The following BICRA variants were observed in gnomAD, a reference collection of about 807,000 sequenced individuals.
The protein encoded by BICRA is BRD4-interacting chromatin-remodeling complex-associated protein.
BICRA carries 31 observed loss-of-function variants against 96.9 expected under a neutral mutation model. The ratio of observed to expected loss-of-function variants is 0.32; its 90% CI spans 0.24 to 0.43. The LOEUF is 0.43. BICRA is among the 20% of genes least tolerant of loss of function. BICRA has a pLI of 1.00. For synonymous variants in BICRA, 1,350 were observed against 1,071.8 expected, an observed-to-expected ratio of 1.26 and a Z score of -5.07; for missense variants, 2,283 against 2,190.3, an observed-to-expected ratio of 1.04 and a Z score of -0.84.
At chr19:47,616,868 G>A (rs1157395939) in intron 1 of BICRA, among the ~76,000 whole-genome samples, 4 of 150,714 alleles carry the variant, frequency 2.7e-5, no homozygotes, top group East Asian at 3.9e-4. Flanking sequence ...CTCTCTCTGC[G>A]CCCAGGCTGG....
chr19:47,688,940 C>T (rs2123599797), intron 7 of BICRA, among the ~76,000 whole-genome samples: 1 of 152,032 alleles, frequency 6.6e-6, no homozygotes, highest in Admixed American at 6.6e-5. Context: ...AATTCTTCTG[C>T]CTCAGCCTCC....
chr19:47,675,881 G>A lies in BICRA; in HGVS notation c.115G>A (p.Gly39Arg), dbSNP rs375078723. Residue 39 changes from glycine (G) to arginine (R), a missense_variant, in exon 5 of 15, where the codon GGG becomes AGG. Coordinates refer to ENST00000594866, the MANE Select transcript of BICRA (RefSeq NM_001394372.1). This position sits in a 1 kb window ranked among gnomAD's most constrained non-coding sequence, Gnocchi z 4.7. ...CAGTGATGACCTCCTGGATAATCCC[G>A]GGGAGGCCCAAAGTGCCTTCTATGA... ...LDSDDLLDNP[G>R]EAQSAFYEGP... 2.7e-5 allele frequency: 43 copies of A among 1,608,146 alleles called. No individual in the cohort carries two copies. Among genetic ancestry groups the A allele is most frequent in the South Asian group, 4.4e-5 (4 of 90,016 alleles).
chr19:47,621,189 G>A (rs1972059816), intron 1 of BICRA, among the ~76,000 whole-genome samples: 1 of 152,052 alleles, frequency 6.6e-6, no homozygotes, highest in African/African-American at 2.4e-5. Flanking sequence ...GTATTTCCTG[G>A]GCTAAGCAGC....
chr19:47,639,044 C>G (rs1972343640), intron 1 of BICRA, among the ~76,000 whole-genome samples: 3 of 152,018 alleles, frequency 2.0e-5, no homozygotes, highest in African/African-American at 7.2e-5. Context: ...CGCTCTGTTT[C>G]CCAGACTGGA....
Position 47,682,143 on chromosome 19 carries a change from G to T in BICRA, c.2274G>T (p.Pro758=). ...QAPDSQASPA[P]APQIPAAAPL... is the part of the protein sequence containing the mutation. The stretch of plus-strand genomic sequence containing the variant: ...CCGACAGCCAGGCTTCCCCGGCTCC[G>T]GCCCCCCAGGTAGAGGGACCCCAGC... Residue 758 remains proline (P), a synonymous_variant, in exon 7 of 15, where the codon CCG becomes CCT. Transcript: ENST00000594866. The T allele has an allele frequency of 7.3e-7, 1 of 1,363,438 alleles. No homozygotes were observed. Among genetic ancestry groups the T allele is most frequent in the Non-Finnish European group, 9.8e-7 (1 of 1,019,032 alleles). 84.5% of individuals were successfully genotyped at this position (1,363,438 alleles called of 1,614,324 possible). A position where few individuals can be genotyped will look rare whatever the true frequency, so the allele number is the denominator to read the frequency against.
chr19:47,633,438 C>T (rs1020643867), intron 1 of BICRA, among the ~76,000 whole-genome samples: 2 of 152,014 alleles, frequency 1.3e-5, no homozygotes, highest in African/African-American at 4.8e-5. Context: ...ACTCTGGGCT[C>T]CAGTATTCCT....
chr19:47,701,277 CG>C lies in BICRA; in HGVS notation c.3596-45del, dbSNP rs1973437121. The C allele has an allele frequency of 1.6e-5, 21 of 1,350,212 alleles. No homozygotes were observed. The highest frequency in any genetic ancestry group is 1.2e-4 in the Admixed American group (7 of 56,472). 83.6% of individuals were successfully genotyped at this position (1,350,212 alleles called of 1,614,324 possible). A position where few individuals can be genotyped will look rare whatever the true frequency, so the allele number is the denominator to read the frequency against. On this transcript the variant is annotated intron_variant, in intron 14 of 14. Coordinates refer to ENST00000594866, the MANE Select transcript of BICRA (RefSeq NM_001394372.1). The surrounding 1 kb of genome is among the most constrained non-coding windows in gnomAD (Gnocchi z 5.4). ...TGCACACAGCTCCTCCCAGCTCGGT[CG>C]GGGGGTCCTCATCCTAACCCCGCGG...
chr19:47,682,791 C>A (rs1438153344), intron 7 of BICRA, among the ~76,000 whole-genome samples: 1 of 152,002 alleles, frequency 6.6e-6, no homozygotes, highest in African/African-American at 2.4e-5. Flanking sequence ...CCTGCCTCCA[C>A]CTCCCGCGTA....
At chr19:47,642,222 T>C (rs996068804) in intron 1 of BICRA, among the ~76,000 whole-genome samples, 7 of 152,250 alleles carry the variant, frequency 4.6e-5, no homozygotes, top group African/African-American at 1.7e-4. Context: ...TATGCAGATA[T>C]AATTTTTTCA....
intron 1 of BICRA, among the ~76,000 whole-genome samples, chr19:47,627,959 G>A (rs1599791472): frequency 6.6e-6 from 1 of 152,064 alleles, no homozygotes; most frequent in South Asian, 2.1e-4. Context: ...TAGTAGAGAC[G>A]GGATTTCTTC....
intron 1 of BICRA, among the ~76,000 whole-genome samples, chr19:47,665,754 A>G (rs1179623081): frequency 6.6e-6 from 1 of 152,212 alleles, no homozygotes; most frequent in African/African-American, 2.4e-5. Flanking sequence ...CAGGTGCCGC[A>G]GCGCCCCCAA....
At chr19:47,658,872 T>C (rs1972662809) in intron 1 of BICRA, among the ~76,000 whole-genome samples, 1 of 152,202 alleles carries the variant, frequency 6.6e-6, no homozygotes, top group Non-Finnish European at 1.5e-5. Flanking sequence ...GCTGCATTTT[T>C]TTCCCCTGAA....
At chr19:47,637,717 C>T (rs1972321269) in intron 1 of BICRA, among the ~76,000 whole-genome samples, 2 of 152,152 alleles carry the variant, frequency 1.3e-5, no homozygotes, top group African/African-American at 4.8e-5. Context: ...TCCTCCCAGC[C>T]CCAGCAGCCT....
rs1015425004 is a variant in BICRA at position 47,696,331 on chromosome 19, C to A, written c.3187-120C>A. ...GGGGATCCTGTAGCTGGGGCCAGGC[C>A]CCCACCTGGGTGAGACACTGGTCCC... On this transcript the variant is annotated intron_variant, in intron 10 of 14. Transcript: ENST00000594866. 5.8e-6 allele frequency: 5 copies of A among 864,588 alleles called. No individual in the cohort carries two copies. The South Asian group carries it at 8.2e-5, about 14-fold the overall frequency. The allele number at this position is 864,588 out of a possible 1,614,324, so 53.6% of individuals were successfully genotyped here. A position where few individuals can be genotyped will look rare whatever the true frequency, so the allele number is the denominator to read the frequency against.
intron 1 of BICRA, among the ~76,000 whole-genome samples, chr19:47,646,173 A>T (rs1355888344): frequency 6.6e-6 from 1 of 151,968 alleles, no homozygotes; most frequent in Admixed American, 6.6e-5. Flanking sequence ...GCATTTTGGG[A>T]TCTGGCAGGG....
intron 1 of BICRA, among the ~76,000 whole-genome samples, chr19:47,640,060 G>A (rs552490176): frequency 2.9e-4 from 44 of 152,258 alleles, no homozygotes; most frequent in African/African-American, 9.1e-4. Context: ...CTGCTTTGCC[G>A]GACACCTAGG....
intron 5 of BICRA, among the ~76,000 whole-genome samples, chr19:47,676,527 C>CT (rs202197778): frequency 1.1e-3 from 169 of 147,854 alleles, no homozygotes; most frequent in African/African-American, 3.6e-3. Flanking sequence ...TCTGTTGCTG[C>CT]TTTCCCCCCT....
At chr19:47,658,002 A>G (rs754103481) in intron 1 of BICRA, among the ~76,000 whole-genome samples, 2 of 151,812 alleles carry the variant, frequency 1.3e-5, no homozygotes, top group Non-Finnish European at 2.9e-5. Flanking sequence ...AGGAATGCAT[A>G]ATGGCTGCTG....
chr19:47,699,186 G>A lies in BICRA; in HGVS notation c.3493-117G>A. The stretch of plus-strand genomic sequence containing the variant: ...TAGCCCCGGGAGGGAGGTTGGGAGG[G>A]AGGCGGGAGCTCCCATCACAAGGAC... On this transcript the variant is annotated intron_variant, in intron 13 of 14. Transcript: ENST00000594866. The surrounding 1 kb of genome is among the most constrained non-coding windows in gnomAD (Gnocchi z 5.0). 1 of 896,138 alleles carries A rather than the reference G, an allele frequency of 1.1e-6. No individual in the cohort carries two copies. The highest frequency in any genetic ancestry group is 1.8e-6 in the Non-Finnish European group (1 of 555,190). The allele number at this position is 896,138 out of a possible 1,614,324, so 55.5% of individuals were successfully genotyped here.
Sources: allele counts gnomAD v4.1 joint callset (sites outside exome capture counted in the v4.1 genomes callset), GRCh38; gene constraint gnomAD v4.1.1; non-coding constraint Gnocchi (gnomAD v3.1); transcripts MANE v1.5; gene names NCBI Gene and HGNC (gene_info 2026-07-23, HGNC 2026-07-21).